INSYN2B: variants seen among roughly 807,000 people sequenced by gnomAD.
INSYN2B encodes the protein inhibitory synaptic factor family member 2B.
In INSYN2B, 16 loss-of-function variants were observed where a neutral mutation model predicts 41.2. That is an observed-to-expected ratio of 0.39 (90% CI 0.26 to 0.59). The LOEUF is 0.59. INSYN2B is among the 20% of genes least tolerant of loss of function. The pLI, the probability that INSYN2B is intolerant of heterozygous loss-of-function variation, is 0.57. For synonymous variants in INSYN2B, 245 were observed against 244.4 expected, an observed-to-expected ratio of 1.00 and a Z score of -0.02; for missense variants, 608 against 646.4, an observed-to-expected ratio of 0.94 and a Z score of 0.64.
intron 1 of INSYN2B, among the ~76,000 whole-genome samples, chr5:169,921,111 A>G (rs1315924544): frequency 2.0e-5 from 3 of 152,168 alleles, no homozygotes; most frequent in African/African-American, 7.2e-5. Flanking sequence ...ATAAGGGAAA[A>G]GCACGTAGGG....
Position 169,864,449 on chromosome 5 carries a change from C to T in INSYN2B, c.1432G>A (p.Asp478Asn). 1 of 1,541,152 alleles carries T rather than the reference C, an allele frequency of 6.5e-7. No homozygotes were observed. The highest frequency in any genetic ancestry group is 2.4e-5 in the East Asian group (1 of 40,908). The part of the protein sequence containing the change: ...TACIIYSVEY[D>N]FRQQEGRFHE... ...AACCTGCCTTCCTGCTGCCGAAAAT[C>T]ATACTCTACACTGAAAAACACAGAG... The change falls in exon 4 of 4, where the codon GAT (aspartate) becomes AAT (asparagine). Residue 478 changes from aspartate to asparagine, a missense_variant. Asp to Asn is a conservative substitution (Grantham distance 23, BLOSUM62 1). Coordinates refer to ENST00000377365, the MANE Select transcript of INSYN2B (RefSeq NM_001129891.3).
chr5:169,920,097 A>T (rs1775090537), intron 1 of INSYN2B, among the ~76,000 whole-genome samples: 2 of 152,186 alleles, frequency 1.3e-5, no homozygotes, highest in Non-Finnish European at 2.9e-5. Flanking sequence ...TGAATAGTTA[A>T]AGAAACACCA....
chr5:169,901,244 A>G (rs1379643027), intron 1 of INSYN2B, among the ~76,000 whole-genome samples: 1 of 152,166 alleles, frequency 6.6e-6, no homozygotes, highest in Non-Finnish European at 1.5e-5. Flanking sequence ...TGATGCAAGA[A>G]AGGTATTTGG....
rs1320081460 is a variant in INSYN2B, at chr5:169,864,476, G to A, written c.1422-17C>T. The A allele has an allele frequency of 2.0e-6, 3 of 1,502,906 alleles. No homozygotes were observed. The highest frequency in any genetic ancestry group is 4.4e-5 in the Admixed American group (2 of 45,300). The allele number at this position is 1,502,906 out of a possible 1,614,324, so 93.1% of individuals were successfully genotyped here. A position where few individuals can be genotyped will look rare whatever the true frequency, so the allele number is the denominator to read the frequency against. ...TACTCTACACTGAAAAACACAGAGAGGAAGGAAGGAAAGTGAATTCGAATC... is the reference window on the plus strand; with the variant it reads ...TACTCTACACTGAAAAACACAGAGAAGAAGGAAGGAAAGTGAATTCGAATC... On this transcript the variant is annotated splice_polypyrimidine_tract_variant and intron_variant, in intron 3 of 3. Coordinates refer to ENST00000377365, the MANE Select transcript of INSYN2B (RefSeq NM_001129891.3).
At chr5:169,976,859 C>T (rs1260021212) in intron 1 of INSYN2B, among the ~76,000 whole-genome samples, 2 of 152,178 alleles carry the variant, frequency 1.3e-5, no homozygotes, top group African/African-American at 2.4e-5. Context: ...CAGGGCACAC[C>T]CAGCATATGC....
At chr5:169,909,062 T>G (rs1380809370) in intron 1 of INSYN2B, among the ~76,000 whole-genome samples, 1 of 152,236 alleles carries the variant, frequency 6.6e-6, no homozygotes, top group Non-Finnish European at 1.5e-5. Flanking sequence ...TGAGCCAGGC[T>G]GCCTGCTTTC....
intron 1 of INSYN2B, among the ~76,000 whole-genome samples, chr5:169,957,829 T>A (rs1287158851): frequency 6.6e-6 from 1 of 152,160 alleles, no homozygotes; most frequent in Non-Finnish European, 1.5e-5. Flanking sequence ...TCCCTGACTC[T>A]CCCCTGCTCC....
intron 1 of INSYN2B, among the ~76,000 whole-genome samples, chr5:169,939,097 G>A (rs925019784): frequency 2.0e-5 from 3 of 151,506 alleles, no homozygotes; most frequent in African/African-American, 7.3e-5. Context: ...GTAGAGACGG[G>A]GTTTCACCGC....
intron 1 of INSYN2B, 149 bp downstream of exon 1, chr5:169,980,128 A>G (rs753433841): frequency 2.0e-5 from 3 of 151,828 alleles, no homozygotes; most frequent in African/African-American, 7.3e-5. Flanking sequence ...ATTTTCCACT[A>G]CATACCACCA....
chr5:169,930,254 T>C (rs1775682917), intron 1 of INSYN2B, among the ~76,000 whole-genome samples: 1 of 152,144 alleles, frequency 6.6e-6, no homozygotes, highest in Admixed American at 6.5e-5. Flanking sequence ...CCTCCCAAAG[T>C]GCTGGGATTA....
At chr5:169,901,255 C>A (rs1028716845) in intron 1 of INSYN2B, among the ~76,000 whole-genome samples, 2 of 152,100 alleles carry the variant, frequency 1.3e-5, no homozygotes, top group South Asian at 2.1e-4. Flanking sequence ...AGGTATTTGG[C>A]CTTTGTAACA....
intron 1 of INSYN2B, among the ~76,000 whole-genome samples, chr5:169,894,607 A>C: frequency 6.6e-6 from 1 of 152,152 alleles, no homozygotes; most frequent in Admixed American, 6.5e-5. Context: ...TGAACAGAGA[A>C]CTCGGTGGCA....
rs70979150 is a variant in INSYN2B at position 169,961,978 on chromosome 5, C to CAAAAAAAAAAAAAAAAAAAAA, written c.-919+18298_-919+18299insTTTTTTTTTTTTTTTTTTTTT. The stretch of plus-strand genomic sequence containing the variant: ...TGGGTGAAAAAGTGAGACTCTGTCC[C>CAAAAAAAAAAAAAAAAAAAAA]AAAAAAAAAAAAAAAAATGGAGAAA... On this transcript the variant is annotated intron_variant, in intron 1 of 3. Transcript: ENST00000377365. 5.9e-3 allele frequency among the ~76,000 whole-genome samples: 437 copies of CAAAAAAAAAAAAAAAAAAAAA among 74,578 alleles called. 142 individuals carry two copies. Among genetic ancestry groups the CAAAAAAAAAAAAAAAAAAAAA allele is most frequent in the African/African-American group, 0.019 (287 of 14,762 alleles). The allele number at this position is 74,578 out of a possible 152,430, so 48.9% of individuals were successfully genotyped here. A position where few individuals can be genotyped will look rare whatever the true frequency, so the allele number is the denominator to read the frequency against.
intron 1 of INSYN2B, among the ~76,000 whole-genome samples, chr5:169,923,486 CACACACA>C (rs1775284383): frequency 5.4e-5 from 1 of 18,654 alleles, no homozygotes; most frequent in Non-Finnish European, 9.4e-5. Flanking sequence ...CACGTGGGCA[CACACACA>C]CACACACACA....
chr5:169,882,218 C>T (rs942557097), intron 2 of INSYN2B, among the ~76,000 whole-genome samples: 1 of 152,128 alleles, frequency 6.6e-6, no homozygotes, highest in Admixed American at 6.5e-5. Context: ...GAAGTGCCTT[C>T]CTGCTATCAT....
intron 1 of INSYN2B, among the ~76,000 whole-genome samples, chr5:169,972,646 C>G (rs1487313117): frequency 6.6e-6 from 1 of 150,392 alleles, no homozygotes; most frequent in African/African-American, 2.4e-5. Context: ...TGGATAAAAT[C>G]TCCCCTGTTA....
At position 169,883,738 on chromosome 5, in the gene INSYN2B, A is replaced by C; in HGVS notation, c.161T>G (p.Val54Gly). The C allele has an allele frequency of 6.4e-7, 1 of 1,551,446 alleles. No homozygotes were observed. Among genetic ancestry groups the C allele is most frequent in the Non-Finnish European group, 8.7e-7 (1 of 1,146,906 alleles). ...CGGGTCTTCTGGAGTTTGGACGTCA[A>C]CCTCAGCTAGGCCAGTTGGATTCTT... Reference protein sequence around the residue: ...TTKNPTGLAEVDVQTPEDPAV... With the variant: ...TTKNPTGLAEGDVQTPEDPAV... Residue 54 changes from valine (V) to glycine (G), a missense_variant, in exon 2 of 4, where the codon GTT becomes GGT. Val to Gly is a moderately radical substitution (Grantham distance 109). Transcript: ENST00000377365.
At position 169,863,385 on chromosome 5, in the gene INSYN2B, G is replaced by A. The variant is rs1771327869; in HGVS notation, c.*888C>T. On this transcript the variant is annotated 3_prime_UTR_variant, in exon 4 of 4. Coordinates refer to ENST00000377365, the MANE Select transcript of INSYN2B (RefSeq NM_001129891.3). ...GCCTTATCTATGTTACTCATAAGAT[G>A]TAACTGATGGACAGGTTGCTGGATC... 6.6e-6 allele frequency among the ~76,000 whole-genome samples: 1 copy of A among 152,334 alleles called. No homozygotes were observed. The highest frequency in any genetic ancestry group is 1.9e-4 in the East Asian group (1 of 5,186).
Position 169,883,996 on chromosome 5 carries a change from G to A in INSYN2B, c.-98C>T, listed in dbSNP as rs769078221. ...ATCTAATGATAGTATTTCAATCATA[G>A]AGAACTGCTGGCCAGGATGGAGTGG... is the stretch of plus-strand genomic sequence containing the variant. On this transcript the variant is annotated 5_prime_UTR_variant, in exon 2 of 4. Transcript: ENST00000377365. 8 of 1,200,992 alleles carry A rather than the reference G, an allele frequency of 6.7e-6. No individual in the cohort carries two copies. Among genetic ancestry groups the A allele is most frequent in the Non-Finnish European group, 7.8e-6 (7 of 902,006 alleles). 74.4% of individuals were successfully genotyped at this position (1,200,992 alleles called of 1,614,324 possible).
Sources: allele counts gnomAD v4.1 joint callset (sites outside exome capture counted in the v4.1 genomes callset), GRCh38; gene constraint gnomAD v4.1.1; transcripts MANE v1.5; gene names NCBI Gene and HGNC (gene_info 2026-07-23, HGNC 2026-07-21).